ACTN2: variants seen among roughly 807,000 people sequenced by gnomAD.
The protein encoded by ACTN2 is actinin alpha 2.
In ACTN2, 39 loss-of-function variants were observed where a neutral mutation model predicts 113.8. That is an observed-to-expected ratio of 0.34 (90% CI 0.27 to 0.45). The LOEUF is 0.45. Among genes scored for constraint, ACTN2 ranks in the 20% least tolerant of loss-of-function variants. ACTN2 has a pLI of 1.00. For missense variants in ACTN2, 992 were observed against 1,177.9 expected, an observed-to-expected ratio of 0.84 and a Z score of 2.31; for synonymous variants, 429 against 444.1, an observed-to-expected ratio of 0.97 and a Z score of 0.43.
intron 14 of ACTN2, among the ~76,000 whole-genome samples, chr1:236,750,903 A>T (rs1659373538): frequency 6.6e-6 from 1 of 151,470 alleles, no homozygotes; most frequent in African/African-American, 2.4e-5. Context: ...AACCTGGGCA[A>T]CATAATGAGA....
intron 1 of ACTN2, among the ~76,000 whole-genome samples, chr1:236,701,216 A>G (rs1213678187): frequency 6.6e-6 from 1 of 152,182 alleles, no homozygotes; most frequent in Non-Finnish European, 1.5e-5. Context: ...AGGCAGCCTC[A>G]TGGAAGGTTA....
chr1:236,747,707 T>A lies in ACTN2; in HGVS notation c.1447T>A (p.Cys483Ser), dbSNP rs1553303424. The A allele has an allele frequency of 6.2e-7, 1 of 1,614,202 alleles. No homozygotes were observed. The highest frequency in any genetic ancestry group is 8.5e-7 in the Non-Finnish European group (1 of 1,180,028). ...YHDAVNVNDR[C>S]QKICDQWDRL... ...CGACGCTGTGAATGTCAATGATCGG[T>A]GCCAGAAAATTTGTGACCAGTGGGA... The change falls in exon 13 of 21, where the codon TGC becomes AGC. Residue 483 changes from cysteine to serine, a missense_variant. Cys to Ser is a moderately radical substitution (Grantham distance 112). Transcript: ENST00000366578.
intron 14 of ACTN2, among the ~76,000 whole-genome samples, 186 bp downstream of exon 14, chr1:236,749,450 GT>G (rs1277394480): frequency 6.6e-6 from 1 of 152,064 alleles, no homozygotes; most frequent in East Asian, 1.9e-4. Flanking sequence ...TTGCAAACCC[GT>G]TAAAATCAAT....
intron 1 of ACTN2, among the ~76,000 whole-genome samples, chr1:236,707,648 G>C (rs1301024280): frequency 6.7e-6 from 1 of 149,352 alleles, no homozygotes; most frequent in Non-Finnish European, 1.5e-5. Context: ...AATTGAGTTA[G>C]ATTCATAGTG....
rs555962109 is a variant in ACTN2 at position 236,737,548 on chromosome 1, G to T, written c.876+334G>T. On this transcript the variant is annotated intron_variant, in intron 9 of 20. Coordinates refer to ENST00000366578, the MANE Select transcript of ACTN2 (RefSeq NM_001103.4). ...ACCCCTAGACGACCTTGGGTTACTT[G>T]TTTTTTTTTTTTCCTGTTCACTGGC... Among the ~76,000 whole-genome samples, 246 of 143,230 alleles carry T rather than the reference G, an allele frequency of 1.7e-3. 1 individual carries two copies. Among genetic ancestry groups the T allele is most frequent in the African/African-American group, 5.7e-3 (223 of 39,250 alleles). 94.0% of individuals were successfully genotyped at this position (143,230 alleles called of 152,430 possible).
chr1:236,739,009 G>A (rs1658977241), intron 9 of ACTN2, among the ~76,000 whole-genome samples: 1 of 152,074 alleles, frequency 6.6e-6, no homozygotes. Context: ...TCCAGCATTT[G>A]TCTGCTAATG....
intron 1 of ACTN2, among the ~76,000 whole-genome samples, chr1:236,709,318 A>G (rs7539291): frequency 0.13 from 17,698 of 135,954 alleles, 2,394 homozygotes; most frequent in African/African-American, 0.31. Context: ...GTATATATGT[A>G]TATATATACA....
chr1:236,734,605 T>C lies in ACTN2; in HGVS notation c.698-1030T>C, dbSNP rs1658811518. ...AATTGTTTTCCTCTTTTTTCCCCCC[T>C]CTCCTCCGAGTAAGGAGACTGTCTG... On this transcript the variant is annotated intron_variant, in intron 7 of 20. Coordinates refer to ENST00000366578, the MANE Select transcript of ACTN2 (RefSeq NM_001103.4). 29 of 981,410 alleles carry C rather than the reference T, an allele frequency of 3.0e-5. No homozygotes were observed. In the South Asian group the frequency reaches 4.7e-4, roughly 16 times the overall value. The allele number at this position is 981,410 out of a possible 1,614,324, so 60.8% of individuals were successfully genotyped here. A position where few individuals can be genotyped will look rare whatever the true frequency, so the allele number is the denominator to read the frequency against.
chr1:236,727,559 TG>T, intron 5 of ACTN2, 118 bp from the exon 6 acceptor site: 1 of 1,004,972 alleles, frequency 1.0e-6, no homozygotes, highest in Non-Finnish European at 1.6e-6. Flanking sequence ...GGAAGCTACA[TG>T]GGGCCCTCCG....
In ACTN2 at chr1:236,762,642, A is replaced by T. The variant is rs748074241; in HGVS notation, c.*23A>T. ...TGATGCTGAGCTTCTGTAATCACTCATCCCATCAGAATGCAATAAAAGCGG... is the reference window on the plus strand; with the variant it reads ...TGATGCTGAGCTTCTGTAATCACTCTTCCCATCAGAATGCAATAAAAGCGG... On this transcript the variant is annotated 3_prime_UTR_variant, in exon 21 of 21. Coordinates refer to ENST00000366578, the MANE Select transcript of ACTN2 (RefSeq NM_001103.4). 6.2e-7 allele frequency: 1 copy of T among 1,612,078 alleles called. No individual in the cohort carries two copies. The highest frequency in any genetic ancestry group is 1.1e-5 in the South Asian group (1 of 90,740).
intron 15 of ACTN2, among the ~76,000 whole-genome samples, chr1:236,753,468 G>C (rs1410299768): frequency 6.6e-6 from 1 of 152,156 alleles, no homozygotes; most frequent in Non-Finnish European, 1.5e-5. Context: ...AGGTCACAGG[G>C]ACTACTAAAT....
Position 236,763,186 on chromosome 1 carries a change from A to G in ACTN2, c.*567A>G, listed in dbSNP as rs982814945. The stretch of plus-strand genomic sequence containing the variant: ...GGAACTGCCGGGGATTAAAAAGACT[A>G]CCCAAAAGATTTTTGGCACTTACAA... On this transcript the variant is annotated 3_prime_UTR_variant, in exon 21 of 21. Coordinates refer to ENST00000366578, the MANE Select transcript of ACTN2 (RefSeq NM_001103.4). 6.3e-6 allele frequency: 1 copy of G among 159,544 alleles called. No individual in the cohort carries two copies. Among genetic ancestry groups the G allele is most frequent in the Non-Finnish European group, 1.4e-5 (1 of 72,386 alleles). 9.9% of individuals were successfully genotyped at this position (159,544 alleles called of 1,614,324 possible). A position where few individuals can be genotyped will look rare whatever the true frequency, so the allele number is the denominator to read the frequency against.
In ACTN2 at chr1:236,727,706, C is replaced by T; in HGVS notation, c.565C>T (p.Leu189Phe). ...GAAAGATGGCCTTGGACTCTGTGCC[C>T]TCATCCACCGACACCGGCCTGACCT... ...SWKDGLGLCA[L>F]IHRHRPDLID... Residue 189 changes from leucine (L) to phenylalanine (F), a missense_variant, in exon 6 of 21, where the codon CTC (leucine) becomes TTC (phenylalanine). Leu to Phe is a conservative substitution (Grantham distance 22). Around this residue, in one of 3 missense-constraint regions of ACTN2, gnomAD observed 220 missense variants for 337.5 expected, o/e 0.65. Transcript: ENST00000366578. The T allele has an allele frequency of 6.2e-7, 1 of 1,614,142 alleles. No individual in the cohort carries two copies. The highest frequency in any genetic ancestry group is 8.5e-7 in the Non-Finnish European group (1 of 1,180,018).
At chr1:236,702,701 A>G (rs1156650763) in intron 1 of ACTN2, among the ~76,000 whole-genome samples, 1 of 152,226 alleles carries the variant, frequency 6.6e-6, no homozygotes, top group Non-Finnish European at 1.5e-5. Context: ...TGGCAGGAAC[A>G]TTGGAAATGC....
rs557542023 is a variant in ACTN2 at position 236,761,289 on chromosome 1, A to G, written c.2526+116A>G. The G allele has an allele frequency of 3.8e-4, 463 of 1,221,470 alleles. 1 individual carries two copies. The African/African-American group carries it at 6.2e-3, about 16-fold the overall frequency. 75.7% of individuals were successfully genotyped at this position (1,221,470 alleles called of 1,614,324 possible). Reference sequence around the variant, plus strand: ...TTTATGCCGGTGTATTTTGTACAACATTGGCACTGATTTCAGAAGGCAGCA... The same window carrying G: ...TTTATGCCGGTGTATTTTGTACAACGTTGGCACTGATTTCAGAAGGCAGCA... On this transcript the variant is annotated intron_variant, in intron 20 of 20. Coordinates refer to ENST00000366578, the MANE Select transcript of ACTN2 (RefSeq NM_001103.4).
chr1:236,700,151 G>A (rs1275909112), intron 1 of ACTN2, among the ~76,000 whole-genome samples: 1 of 151,924 alleles, frequency 6.6e-6, no homozygotes, highest in African/African-American at 2.4e-5. Context: ...GCCTTTCTAG[G>A]GATCACTGAT....
intron 1 of ACTN2, among the ~76,000 whole-genome samples, chr1:236,694,931 T>G: frequency 6.6e-6 from 1 of 151,896 alleles, no homozygotes; most frequent in East Asian, 1.9e-4. Flanking sequence ...GCCGGTATGG[T>G]GGCGTGTGCT....
chr1:236,709,368 G>GTATATA (rs370579623), intron 1 of ACTN2, among the ~76,000 whole-genome samples: 1 of 137,366 alleles, frequency 7.3e-6, no homozygotes, highest in African/African-American at 2.8e-5. Context: ...ACGTGTGTGT[G>GTATATA]TATATATATA....
At chr1:236,707,473 TA>T (rs1189088801) in intron 1 of ACTN2, among the ~76,000 whole-genome samples, 1 of 152,194 alleles carries the variant, frequency 6.6e-6, no homozygotes, top group Non-Finnish European at 1.5e-5. Context: ...AATCTCGCCC[TA>T]CCTGAGTAAG....
Sources: allele counts gnomAD v4.1 joint callset (sites outside exome capture counted in the v4.1 genomes callset), GRCh38; gene constraint gnomAD v4.1.1; regional missense constraint gnomAD v4.1.1; transcripts MANE v1.5; gene names NCBI Gene and HGNC (gene_info 2026-07-23, HGNC 2026-07-21).